The following TENM2 variants were observed in gnomAD, a reference collection of about 807,000 sequenced individuals.
TENM2 encodes the protein teneurin transmembrane protein 2, also known as teneurin-2.
TENM2 carries 52 observed loss-of-function variants against 245.2 expected under a neutral mutation model. The observed-to-expected ratio is 0.21, with a 90% CI of 0.17 to 0.27. The LOEUF is 0.27. Ranked by LOEUF, TENM2 falls within the 10% of genes least tolerant of loss-of-function variation. TENM2 has a pLI of 1.00. For missense variants in TENM2, 3,046 were observed against 3,666.8 expected, an observed-to-expected ratio of 0.83 and a Z score of 4.37; for synonymous variants, 1,363 against 1,438.9, an observed-to-expected ratio of 0.95 and a Z score of 1.19.
chr5:167,009,352 GT>G, the TENM2 span, among the ~76,000 whole-genome samples: 3 of 151,900 alleles, frequency 2.0e-5, no homozygotes, highest in East Asian at 1.9e-4. Context: ...CATTCATTAA[GT>G]TTTTTTCATA....
intron 2 of TENM2, among the ~76,000 whole-genome samples, chr5:167,861,052 T>TAAAAAAAAAAAAAAAAA (rs397999860): frequency 7.5e-6 from 1 of 133,488 alleles, no homozygotes; most frequent in Non-Finnish European, 1.6e-5. Flanking sequence ...AAAAAAAAAT[T>TAAAAAAAAAAAAAAAAA]AAAAAAAAAA....
chr5:168,065,854 G>GTTTTTTT (rs546874434), intron 7 of TENM2, among the ~76,000 whole-genome samples: 9 of 144,134 alleles, frequency 6.2e-5, no homozygotes, highest in Non-Finnish European at 1.1e-4. Flanking sequence ...AAGAACAAAG[G>GTTTTTTT]TTTTTTTTTT....
chr5:168,149,607 G>T (rs919257800), intron 12 of TENM2, among the ~76,000 whole-genome samples: 5 of 152,182 alleles, frequency 3.3e-5, no homozygotes, highest in African/African-American at 9.7e-5. Context: ...GGCTTACCCA[G>T]ATGGTCCTGA....
intron 5 of TENM2, chr5:168,032,972 A>G (rs1245197916): frequency 6.6e-6 from 1 of 152,210 alleles, no homozygotes; most frequent in African/African-American, 2.4e-5. Context: ...GTTCATTTCA[A>G]TGTGTCACAA....
intron 3 of TENM2, among the ~76,000 whole-genome samples, chr5:167,896,769 C>G (rs1402409777): frequency 6.6e-6 from 1 of 152,094 alleles, no homozygotes; most frequent in South Asian, 2.1e-4. Context: ...CTCGCAATAC[C>G]TTTATGGATA....
intron 12 of TENM2, among the ~76,000 whole-genome samples, chr5:168,158,829 G>GTATA (rs780328417): frequency 9.4e-5 from 6 of 63,738 alleles, no homozygotes; most frequent in Admixed American, 2.3e-4. Context: ...GTGTGTGTGT[G>GTATA]TATATATATA....
In TENM2 at chr5:168,244,469, C is replaced by A. The variant is rs1766371821; in HGVS notation, c.5570C>A (p.Thr1857Asn). 6.3e-7 allele frequency: 1 copy of A among 1,587,872 alleles called. No individual in the cohort carries two copies. Among genetic ancestry groups the A allele is most frequent in the Non-Finnish European group, 8.6e-7 (1 of 1,162,456 alleles). Residue 1857 changes from threonine (T) to asparagine (N), a missense_variant, in exon 26 of 29, where the codon ACT (threonine) becomes AAT (asparagine). This residue lies in a region of TENM2 where 2,704 missense variants were observed against 3,331.9 expected (regional missense o/e 0.81). Coordinates refer to ENST00000518659, the Ensembl canonical transcript of TENM2. This position sits in a 1 kb window ranked among gnomAD's most constrained non-coding sequence, Gnocchi z 4.9. Reference sequence around the variant, plus strand: ...ATTGACTATGATCGAAATATTCGGACTGAAAAGATCTATGATGACCACCGG... The same window carrying A: ...ATTGACTATGATCGAAATATTCGGAATGAAAAGATCTATGATGACCACCGG...
intron 2 of TENM2, among the ~76,000 whole-genome samples, chr5:167,870,459 C>A (rs1772707872): frequency 1.3e-5 from 2 of 151,816 alleles, no homozygotes; most frequent in South Asian, 4.2e-4. Flanking sequence ...TTAGGAAAGT[C>A]AGTTCAACTA....
At chr5:167,833,207 T>C (rs774505626) in intron 2 of TENM2, among the ~76,000 whole-genome samples, 14 of 152,196 alleles carry the variant, frequency 9.2e-5, no homozygotes, top group Non-Finnish European at 1.3e-4. Flanking sequence ...CCATCAATTT[T>C]ATAATGAAAT....
rs1206084688 is a variant in TENM2, at chr5:168,106,188, T to TA, written c.1813+8064dup. Among the ~76,000 whole-genome samples the TA allele has an allele frequency of 2.6e-5, 4 of 152,280 alleles. No homozygotes were observed. In the East Asian group the frequency reaches 7.7e-4, roughly 29 times the overall value. ...CAGAAATGCCACAACCACGGGAACA[T>TA]AAAGTCTTCTCTCTGGGGGTTGGTT... On this transcript the variant is annotated intron_variant, in intron 9 of 28. Transcript: ENST00000518659.
At chr5:168,249,074 C>G (rs1171554728) in intron 27 of TENM2, among the ~76,000 whole-genome samples, 1 of 150,286 alleles carries the variant, frequency 6.7e-6, no homozygotes, top group Non-Finnish European at 1.5e-5. Flanking sequence ...GAGTTGAGAT[C>G]ATGCCACTGC....
intron 2 of TENM2, among the ~76,000 whole-genome samples, chr5:167,868,507 G>A (rs1023804795): frequency 6.6e-6 from 1 of 152,004 alleles, no homozygotes; most frequent in Non-Finnish European, 1.5e-5. Context: ...GAGAGGCTGA[G>A]GTGGGCGGAT....
the TENM2 span, among the ~76,000 whole-genome samples, chr5:167,182,979 G>C: frequency 1.3e-5 from 2 of 152,052 alleles, no homozygotes; most frequent in Middle Eastern, 6.3e-3. Context: ...GTGTTCCACT[G>C]TTTCTTAAAA....
chr5:167,309,070 T>C (rs1755859871), intron 1 of TENM2, among the ~76,000 whole-genome samples: 1 of 149,168 alleles, frequency 6.7e-6, no homozygotes, highest in South Asian at 2.2e-4. Context: ...GGGGGGGAGG[T>C]TTAAATGATA....
intron 12 of TENM2, among the ~76,000 whole-genome samples, chr5:168,152,142 A>C (rs1756708373): frequency 6.6e-6 from 1 of 152,230 alleles, no homozygotes; most frequent in Non-Finnish European, 1.5e-5. Context: ...CCTACACCGT[A>C]GGGTTGTTGC....
At chr5:168,021,661 C>G (rs1338347829) in intron 5 of TENM2, among the ~76,000 whole-genome samples, 3 of 152,204 alleles carry the variant, frequency 2.0e-5, no homozygotes, top group African/African-American at 7.2e-5. Flanking sequence ...TGTTACAGTG[C>G]ACACTCAAGT....
At chr5:168,188,222 T>G (rs1182810735) in intron 13 of TENM2, among the ~76,000 whole-genome samples, 1 of 152,170 alleles carries the variant, frequency 6.6e-6, no homozygotes, top group African/African-American at 2.4e-5. Flanking sequence ...CTGTAGTAAA[T>G]TTAAAGCACC....
At chr5:168,110,570 TG>T (rs1397419184) in intron 9 of TENM2, among the ~76,000 whole-genome samples, 2 of 152,222 alleles carry the variant, frequency 1.3e-5, no homozygotes, top group Non-Finnish European at 2.9e-5. Flanking sequence ...CCATTCTGCC[TG>T]CTGAGAGACA....
rs958516398 is a variant in TENM2 at position 168,103,116 on chromosome 5, G to A, written c.1813+4989G>A. Among the ~76,000 whole-genome samples, 4 of 150,854 alleles carry A rather than the reference G, an allele frequency of 2.7e-5. No individual in the cohort carries two copies. In the East Asian group the frequency reaches 7.9e-4, roughly 30 times the overall value. ...CTCATTGTTCAATTCCCACCTATGA[G>A]CGAGAACATGCGGTGTTTGGTTTTT... On this transcript the variant is annotated intron_variant, in intron 9 of 28. Transcript: ENST00000518659.
Sources: gnomAD v4.1 joint callset for allele counts (sites outside exome capture counted in the v4.1 genomes callset) on GRCh38, gnomAD v4.1.1 for gene constraint, gnomAD v4.1.1 regional missense constraint, Gnocchi (gnomAD v3.1) non-coding constraint, MANE v1.5 for transcripts, NCBI Gene and HGNC (gene_info 2026-07-23, HGNC 2026-07-21) for gene names.